The following LDB3 variants were observed in gnomAD, a reference collection of about 807,000 sequenced individuals.
LDB3 encodes the protein LIM domain binding 3.
LDB3 carries 49 observed loss-of-function variants against 69.0 expected under a neutral mutation model. The observed-to-expected ratio is 0.71, with a 90% CI of 0.56 to 0.90. LDB3 has a LOEUF of 0.90. LDB3 is among the 40% of genes least tolerant of loss of function. The pLI is 0.00. For missense variants in LDB3, 928 were observed against 974.1 expected, an observed-to-expected ratio of 0.95 and a Z score of 0.63; for synonymous variants, 387 against 396.2, an observed-to-expected ratio of 0.98 and a Z score of 0.28.
At chr10:86,700,014 C>A in intron 7 of LDB3, 1 of 986,684 alleles carries the variant, frequency 1.0e-6, no homozygotes, top group Non-Finnish European at 1.2e-6. Flanking sequence ...TATAAGCATG[C>A]TTGTTCTGAA....
intron 5 of LDB3, 42 bp from the exon 6 acceptor site, chr10:86,691,854 C>G (rs959630432): frequency 1.2e-6 from 2 of 1,612,146 alleles, no homozygotes; most frequent in African/African-American, 1.3e-5. Context: ...GGGAACTGGG[C>G]TCCAGCCTAG....
At chr10:86,702,083 G>T (rs971362191) in intron 7 of LDB3, among the ~76,000 whole-genome samples, 1 of 152,182 alleles carries the variant, frequency 6.6e-6, no homozygotes, top group African/African-American at 2.4e-5. Context: ...GCAGCAAGGT[G>T]GAACATAGAC....
intron 9 of LDB3, among the ~76,000 whole-genome samples, chr10:86,715,507 G>C (rs909538817): frequency 6.6e-5 from 10 of 152,174 alleles, no homozygotes; most frequent in Non-Finnish European, 1.0e-4. Context: ...GCTGGAGGAG[G>C]GGGTGATAGA....
At chr10:86,707,386 G>A (rs1371155623) in intron 8 of LDB3, among the ~76,000 whole-genome samples, 1 of 152,048 alleles carries the variant, frequency 6.6e-6, no homozygotes, top group African/African-American at 2.4e-5. Context: ...TAGAAAAAAT[G>A]TCTGTAAAAC....
intron 5 of LDB3, 42 bp from the exon 6 acceptor site, chr10:86,691,854 C>T: frequency 6.2e-7 from 1 of 1,612,264 alleles, no homozygotes; most frequent in Non-Finnish European, 8.5e-7. Flanking sequence ...GGGAACTGGG[C>T]TCCAGCCTAG....
At chr10:86,708,964 G>C (rs1846542173) in intron 8 of LDB3, among the ~76,000 whole-genome samples, 1 of 152,218 alleles carries the variant, frequency 6.6e-6, no homozygotes. Context: ...AAGCCATGTG[G>C]GGGTGGCAGG....
chr10:86,724,328 G>A (rs1488185177), intron 12 of LDB3, among the ~76,000 whole-genome samples: 1 of 149,880 alleles, frequency 6.7e-6, no homozygotes, highest in African/African-American at 2.5e-5. Context: ...AAATAGGCTG[G>A]GCGCGGTGGC....
upstream of LDB3, among the ~76,000 whole-genome samples, chr10:86,667,587 G>A (rs549554285): frequency 1.2e-4 from 19 of 152,286 alleles, no homozygotes; most frequent in African/African-American, 3.6e-4. Flanking sequence ...AGCAAATGGC[G>A]TCTCCTCCCT....
intron 2 of LDB3, among the ~76,000 whole-genome samples, chr10:86,676,480 G>C (rs1844795636): frequency 6.7e-6 from 1 of 149,586 alleles, no homozygotes; most frequent in South Asian, 2.1e-4. Context: ...CAGAAGAATC[G>C]CTTGAACCCA....
chr10:86,709,987 G>A lies in LDB3; in HGVS notation c.1168G>A (p.Ala390Thr), dbSNP rs748672176. ...CACCAGCTACAGTGAGGGCCCCGCC[G>A]CCCCTGCACCCAAGCCCCGGGTTGT... ...THTSYSEGPA[A>T]PAPKPRVVTT... The change falls in exon 9 of 14, where the codon GCC becomes ACC. Residue 390 changes from alanine (A) to threonine (T), a missense_variant. Coordinates refer to ENST00000361373, the MANE Select transcript of LDB3 (RefSeq NM_007078.3). 22 of 1,613,118 alleles carry A rather than the reference G, an allele frequency of 1.4e-5. No homozygotes were observed. The highest frequency in any genetic ancestry group is 1.7e-4 in the Middle Eastern group (1 of 6,058).
At chr10:86,715,974 T>C (rs1846850662) in intron 9 of LDB3, among the ~76,000 whole-genome samples, 1 of 152,036 alleles carries the variant, frequency 6.6e-6, no homozygotes, top group African/African-American at 2.4e-5. Context: ...GGTGACCCAC[T>C]CCCACCTCTC....
chr10:86,668,443 A>G, upstream of LDB3: 2 of 572,444 alleles, frequency 3.5e-6, no homozygotes, highest in Middle Eastern at 4.6e-4. Flanking sequence ...GGCACAGTGT[A>G]GGGTTACAGT....
chr10:86,681,421 C>A lies in LDB3; in HGVS notation c.322-15C>A, dbSNP rs745496095. The A allele has an allele frequency of 1.3e-6, 2 of 1,599,910 alleles. No homozygotes were observed. The highest frequency in any genetic ancestry group is 1.7e-6 in the Non-Finnish European group (2 of 1,179,794). On this transcript the variant is annotated splice_polypyrimidine_tract_variant and intron_variant, in intron 4 of 13. Transcript: ENST00000361373. Reference sequence around the variant, plus strand: ...GCTCTCTTCTCTCTCCCCTGCATGGCCTGCCCTGTGCCAGGACCCCGCTCT... The same window carrying A: ...GCTCTCTTCTCTCTCCCCTGCATGGACTGCCCTGTGCCAGGACCCCGCTCT...
chr10:86,709,268 G>C (rs551980322), intron 8 of LDB3, among the ~76,000 whole-genome samples: 1 of 152,132 alleles, frequency 6.6e-6, no homozygotes, highest in African/African-American at 2.4e-5. Flanking sequence ...AAATCTCTTT[G>C]ACCCCATTGT....
chr10:86,726,108 C>T (rs548972238), intron 12 of LDB3, 29 bp from the exon 13 acceptor site: 241 of 1,536,222 alleles, frequency 1.6e-4, no homozygotes, highest in Middle Eastern at 3.9e-4. Context: ...CCACTGGGTG[C>T]GGGGTCTTCA....
chr10:86,718,700 G>A, intron 11 of LDB3, 27 bp from the exon 12 acceptor site: 1 of 1,614,124 alleles, frequency 6.2e-7, no homozygotes, highest in Non-Finnish European at 8.5e-7. Flanking sequence ...TCTCCTTTCT[G>A]TCCTGAGCTT....
At position 86,735,207 on chromosome 10, in the gene LDB3, G is replaced by A. The variant is rs977928337; in HGVS notation, c.*2231G>A. ...AATTTTTCTACATTTCAGAGCAAGT[G>A]TAGATTCTGAGGGACTCCTATTTGC... On this transcript the variant is annotated 3_prime_UTR_variant, in exon 14 of 14. Transcript: ENST00000361373. 1 of 148,718 alleles carries A rather than the reference G, an allele frequency of 6.7e-6. No individual in the cohort carries two copies. The highest frequency in any genetic ancestry group is 1.5e-5 in the Non-Finnish European group (1 of 67,540). 9.2% of individuals were successfully genotyped at this position (148,718 alleles called of 1,614,324 possible).
rs117280687 is a variant in LDB3 at position 86,687,551 on chromosome 10, G to A, written c.690-4345G>A. On this transcript the variant is annotated intron_variant, in intron 5 of 13. Transcript: ENST00000361373. ...CTCTGCATTTTCCCAGGCTCTATGAGGAGGCTGGAAGAAGAGACTTCTACA... is the reference window on the plus strand; with the variant it reads ...CTCTGCATTTTCCCAGGCTCTATGAAGAGGCTGGAAGAAGAGACTTCTACA... 0.017 allele frequency among the ~76,000 whole-genome samples: 2,632 copies of A among 152,348 alleles called. 31 individuals carry two copies. Among genetic ancestry groups the A allele is most frequent in the Middle Eastern group, 0.037 (11 of 294 alleles).
At position 86,686,977 on chromosome 10, in the gene LDB3, G is replaced by A. The variant is rs930221757; in HGVS notation, c.690-4919G>A. The A allele has an allele frequency of 1.5e-5, 18 of 1,163,514 alleles. 1 individual carries two copies. Among genetic ancestry groups the A allele is most frequent in the South Asian group, 2.5e-5 (2 of 80,566 alleles). The allele number at this position is 1,163,514 out of a possible 1,614,324, so 72.1% of individuals were successfully genotyped here. ...GGAGATCTCTCTCGACACCCACCGCGCCCAGCCCTTGCCTTGGCCACCCAT... is the reference window on the plus strand; with the variant it reads ...GGAGATCTCTCTCGACACCCACCGCACCCAGCCCTTGCCTTGGCCACCCAT... On this transcript the variant is annotated intron_variant, in intron 5 of 13. Coordinates refer to ENST00000361373, the MANE Select transcript of LDB3 (RefSeq NM_007078.3).
Sources: allele counts gnomAD v4.1 joint callset (sites outside exome capture counted in the v4.1 genomes callset), GRCh38; gene constraint gnomAD v4.1.1; transcripts MANE v1.5; gene names NCBI Gene and HGNC (gene_info 2026-07-23, HGNC 2026-07-21).